The following TMEM164 variants were observed in gnomAD, a reference collection of about 807,000 sequenced individuals.
TMEM164 encodes RP13-360B22.2.
In TMEM164, 4 loss-of-function variants were observed where a neutral mutation model predicts 18.8. That is an observed-to-expected ratio of 0.21 (90% CI 0.10 to 0.49). The LOEUF is 0.49. Among genes scored for constraint, TMEM164 ranks in the 20% least tolerant of loss-of-function variants. TMEM164 has a pLI of 0.98. For missense variants in TMEM164, 108 were observed against 239.9 expected (o/e 0.45, Z 3.63); for synonymous variants, 86 against 101.7 (o/e 0.85, Z 0.93).
intron 2 of TMEM164, 37 bp downstream of exon 2, chrX:110,004,201 A>G (rs1175653523): frequency 8.6e-7 from 1 of 1,165,266 alleles, no homozygotes; most frequent in East Asian, 3.0e-5. Flanking sequence ...ATCCTAAGTG[A>G]TAAGAGTCAT....
chrX:110,152,834 CT>C (rs1050528612), intron 5 of TMEM164, among the ~76,000 whole-genome samples: 13 of 111,664 alleles, frequency 1.2e-4, no homozygotes, highest in Admixed American at 1.0e-3. Flanking sequence ...TTTGCTCCCC[CT>C]AAGCCCATTC....
intron 2 of TMEM164, among the ~76,000 whole-genome samples, chrX:110,023,970 T>A (rs1157134924): frequency 8.9e-6 from 1 of 112,240 alleles, no homozygotes; most frequent in Non-Finnish European, 1.9e-5. Flanking sequence ...ATTTGTCAAG[T>A]AAGTCCCTTC....
intron 2 of TMEM164, chrX:110,046,015 A>G (rs148655920): frequency 3.0e-4 from 224 of 749,163 alleles, no homozygotes; most frequent in African/African-American, 1.1e-3. Context: ...TTTTCCCACA[A>G]TGGAAATTAT....
intron 4 of TMEM164, among the ~76,000 whole-genome samples, chrX:110,136,193 C>G (rs767036330): frequency 6.3e-5 from 7 of 111,267 alleles, no homozygotes; most frequent in Non-Finnish European, 1.3e-4. Context: ...CTTAATGACA[C>G]CTTCTTATTT....
chrX:110,005,709 T>C (rs1474116043), intron 2 of TMEM164, among the ~76,000 whole-genome samples: 1 of 112,293 alleles, frequency 8.9e-6, no homozygotes, highest in Non-Finnish European at 1.9e-5. Flanking sequence ...ACCTTCTGTG[T>C]AAATTTGAGC....
intron 2 of TMEM164, among the ~76,000 whole-genome samples, chrX:110,046,700 TGTTA>T (rs955429757): frequency 2.9e-4 from 33 of 112,511 alleles, no homozygotes; most frequent in African/African-American, 1.0e-3. Flanking sequence ...TTGACTAGGC[TGTTA>T]GTTTCCTCTC....
intron 4 of TMEM164, among the ~76,000 whole-genome samples, chrX:110,123,142 G>A (rs1485049653): frequency 9.0e-6 from 1 of 111,703 alleles, no homozygotes; most frequent in African/African-American, 3.3e-5. Context: ...ATATCCAGTT[G>A]TCCCAGCACC....
intron 3 of TMEM164, among the ~76,000 whole-genome samples, chrX:110,089,046 A>C (rs1278468997): frequency 8.9e-6 from 1 of 111,915 alleles, no homozygotes; most frequent in Admixed American, 9.6e-5. Flanking sequence ...GGGGGAAAGC[A>C]GTACGGCATA....
chrX:110,049,376 G>A (rs1279290774), intron 2 of TMEM164, among the ~76,000 whole-genome samples: 2 of 110,873 alleles, frequency 1.8e-5, no homozygotes, highest in Admixed American at 1.9e-4. Context: ...GGACTGAGGT[G>A]GGGGGTGGGG....
intron 6 of TMEM164, among the ~76,000 whole-genome samples, chrX:110,171,817 G>A (rs995017326): frequency 8.9e-6 from 1 of 112,055 alleles, no homozygotes; most frequent in South Asian, 3.7e-4. Flanking sequence ...GTGGTTTGTT[G>A]TGGACCCCAT....
intron 2 of TMEM164, among the ~76,000 whole-genome samples, chrX:110,064,055 T>G (rs1936226977): frequency 1.8e-5 from 2 of 111,318 alleles, no homozygotes; most frequent in African/African-American, 6.5e-5. Flanking sequence ...AGTTTCCTCA[T>G]CTCTGAAATG....
intron 3 of TMEM164, among the ~76,000 whole-genome samples, chrX:110,093,740 T>C (rs1183570612): frequency 9.0e-6 from 1 of 111,648 alleles, no homozygotes; most frequent in Non-Finnish European, 1.9e-5. Flanking sequence ...CTTTTGAATG[T>C]GTTTGCTCTT....
At chrX:110,014,950 T>C (rs899292539) in intron 2 of TMEM164, among the ~76,000 whole-genome samples, 1 of 110,284 alleles carries the variant, frequency 9.1e-6, no homozygotes, top group Non-Finnish European at 1.9e-5. Flanking sequence ...ACTGTGCTGC[T>C]TTCAGGAGAA....
chrX:110,165,562 GCTTCCTC>G (rs2067148605), intron 5 of TMEM164, among the ~76,000 whole-genome samples: 1 of 111,845 alleles, frequency 8.9e-6, no homozygotes, highest in African/African-American at 3.3e-5. Context: ...TATTTTCCAG[GCTTCCTC>G]CTTCAGCCTT....
chrX:110,179,433 G>A (rs935274754), downstream of TMEM164, among the ~76,000 whole-genome samples: 1 of 112,022 alleles, frequency 8.9e-6, no homozygotes, highest in Non-Finnish European at 1.9e-5. Context: ...GGCTTTGTAA[G>A]CATCTTCAAC....
chrX:110,091,652 G>A lies in TMEM164; in HGVS notation c.441-17428G>A, dbSNP rs866447559. 8.1e-4 allele frequency among the ~76,000 whole-genome samples: 91 copies of A among 112,212 alleles called. 1 individual carries two copies. The highest frequency in any genetic ancestry group is 2.9e-3 in the African/African-American group (90 of 30,959). ...GATTGTAAAAATTTTCTCCCATTGT[G>A]TAGGTTGCCTGTTCATTCTGATGTT... On this transcript the variant is annotated intron_variant, in intron 3 of 6. Coordinates refer to ENST00000372068, the MANE Select transcript of TMEM164 (RefSeq NM_032227.4).
intron 2 of TMEM164, chrX:110,055,451 A>G (rs1935780359): frequency 5.5e-6 from 1 of 181,450 alleles, no homozygotes; most frequent in South Asian, 8.1e-5. Context: ...GCCCTGGCAT[A>G]ATGTAATGTC....
At position 110,107,351 on chromosome X, in the gene TMEM164, A is replaced by G. The variant is rs892752574; in HGVS notation, c.441-1729A>G. On this transcript the variant is annotated intron_variant, in intron 3 of 6. Transcript: ENST00000372068. ...GTTTCCTTATCAACAAAATGGGAAA[A>G]GTAATTGTACCTATCTCAGAAGATT... Among the ~76,000 whole-genome samples the G allele has an allele frequency of 2.7e-5, 3 of 112,239 alleles. No individual in the cohort carries two copies. The South Asian group carries it at 1.1e-3, about 41-fold the overall frequency.
intron 4 of TMEM164, among the ~76,000 whole-genome samples, chrX:110,118,892 G>C (rs1442249454): frequency 8.9e-5 from 10 of 111,753 alleles, no homozygotes; most frequent in Non-Finnish European, 9.4e-5. Context: ...TTTTGTGGCT[G>C]CCCCTACATA....
Sources: allele counts gnomAD v4.1 joint callset (sites outside exome capture counted in the v4.1 genomes callset), GRCh38; gene constraint gnomAD v4.1.1; transcripts MANE v1.5; gene names NCBI Gene and HGNC (gene_info 2026-07-23, HGNC 2026-07-21).